Variants in TMEM26 observed in about 807,000 individuals in gnomAD.
TMEM26 encodes transmembrane protein 26.
TMEM26 carries 38 observed loss-of-function variants against 28.8 expected under a neutral mutation model. That is an observed-to-expected ratio of 1.32 (90% CI 1.02 to 1.73). The LOEUF (loss-of-function observed/expected upper bound fraction) is 1.73. TMEM26 is among the 40% of genes most tolerant of loss of function. TMEM26 has a pLI of 0.00. For synonymous variants in TMEM26, 227 were observed against 182.9 expected (o/e 1.24, Z -1.95); for missense variants, 518 against 447.1 (o/e 1.16, Z -1.43).
intron 1 of TMEM26, among the ~76,000 whole-genome samples, chr10:61,445,676 A>AT (rs200305497): frequency 2.0e-5 from 3 of 151,330 alleles, no homozygotes; most frequent in East Asian, 1.9e-4. Flanking sequence ...CCTACATTAA[A>AT]TTTTTTTTTA....
At chr10:61,413,682 C>A in intron 4 of TMEM26, 147 bp from the exon 5 acceptor site, 3 of 1,330,236 alleles carry the variant, frequency 2.3e-6, no homozygotes, top group Middle Eastern at 2.6e-4. Flanking sequence ...GAAAAAAATC[C>A]TTACATGATA....
chr10:61,433,225 G>A (rs1217789614), intron 2 of TMEM26, among the ~76,000 whole-genome samples: 1 of 152,042 alleles, frequency 6.6e-6, no homozygotes, highest in East Asian at 1.9e-4. Context: ...GTTGCTCTCC[G>A]CTCTTGTTAT....
chr10:61,432,118 T>C (rs1458311329), intron 2 of TMEM26, among the ~76,000 whole-genome samples: 1 of 152,130 alleles, frequency 6.6e-6, no homozygotes, highest in African/African-American at 2.4e-5. Context: ...TGTGTATGTG[T>C]GTGTATATAG....
Position 61,444,996 on chromosome 10 carries a change from A to C in TMEM26, c.191+7895T>G, listed in dbSNP as rs1402626377. ...ATGCTAGGAATTGTTTTCATTATCT[A>C]TTATTGTCAGTTGTGACCTTGGATA... is the stretch of plus-strand genomic sequence containing the variant. On this transcript the variant is annotated intron_variant, in intron 1 of 5. Transcript: ENST00000399298. Among the ~76,000 whole-genome samples the C allele has an allele frequency of 2.0e-5, 3 of 152,164 alleles. No homozygotes were observed. The East Asian group carries it at 5.8e-4, about 29-fold the overall frequency.
At chr10:61,445,157 T>C (rs958763442) in intron 1 of TMEM26, among the ~76,000 whole-genome samples, 1 of 152,236 alleles carries the variant, frequency 6.6e-6, no homozygotes, top group Non-Finnish European at 1.5e-5. Context: ...CAGTACTCAA[T>C]AATTGATAAG....
chr10:61,420,406 G>A (rs1355444548), intron 4 of TMEM26, among the ~76,000 whole-genome samples: 1 of 151,940 alleles, frequency 6.6e-6, no homozygotes, highest in African/African-American at 2.4e-5. Flanking sequence ...CACACCCAAT[G>A]TAAGTTTTAT....
intron 5 of TMEM26, among the ~76,000 whole-genome samples, chr10:61,412,411 G>A (rs1839582004): frequency 1.3e-5 from 2 of 152,108 alleles, no homozygotes; most frequent in South Asian, 4.1e-4. Context: ...AGACCTCTGA[G>A]CCTACAAAAG....
intron 4 of TMEM26, among the ~76,000 whole-genome samples, chr10:61,418,309 A>G (rs957287559): frequency 1.8e-4 from 28 of 151,886 alleles, no homozygotes; most frequent in Non-Finnish European, 2.5e-4. Context: ...TTAGGATCCT[A>G]CCCTCTCACA....
At chr10:61,448,523 C>T (rs79247858) in intron 1 of TMEM26, among the ~76,000 whole-genome samples, 17,773 of 152,048 alleles carry the variant, frequency 0.12, 1,223 homozygotes, top group East Asian at 0.21. Context: ...ATAGGAAATG[C>T]TAAATATTCA....
rs1241499263 is a variant in TMEM26, at chr10:61,410,677, C to T, written c.752G>A (p.Ser251Asn). 2 of 1,614,150 alleles carry T rather than the reference C, an allele frequency of 1.2e-6. No individual in the cohort carries two copies. ...GFPSLFFCQY[S>N]ADLWNIGISV... ...GATTCCGATGTTCCACAGATCGGCA[C>T]TGTACTGGCAAAAGAACAGGCTGGG... Residue 251 changes from serine (S) to asparagine (N), a missense_variant, in exon 6 of 6, where the codon AGT (serine) becomes AAT (asparagine). Coordinates refer to ENST00000399298, the MANE Select transcript of TMEM26 (RefSeq NM_178505.8).
In TMEM26 at chr10:61,410,417, A is replaced by G. The variant is rs1216287610; in HGVS notation, c.1012T>C (p.Ser338Pro). 6.2e-7 allele frequency: 1 copy of G among 1,613,942 alleles called. No individual in the cohort carries two copies. Among genetic ancestry groups the G allele is most frequent in the East Asian group, 2.2e-5 (1 of 44,862 alleles). The change falls in exon 6 of 6, where the codon TCT becomes CCT. Residue 338 changes from serine (S) to proline (P), a missense_variant. Transcript: ENST00000399298. ...CRAQTSESGP[S>P]QRDWQNESKE... ...GACTCGTTCTGCCAGTCCCGCTGAGAGGGCCCACTCTCAGAGGTCTGTGCC... is the reference window on the plus strand; with the variant it reads ...GACTCGTTCTGCCAGTCCCGCTGAGGGGGCCCACTCTCAGAGGTCTGTGCC...
At chr10:61,445,817 G>A (rs1441517311) in intron 1 of TMEM26, among the ~76,000 whole-genome samples, 1 of 152,058 alleles carries the variant, frequency 6.6e-6, no homozygotes, top group African/African-American at 2.4e-5. Flanking sequence ...AAACCTTGAT[G>A]TAAATGTGAA....
intron 2 of TMEM26, 57 bp downstream of exon 2, chr10:61,436,113 A>G: frequency 9.1e-7 from 1 of 1,104,738 alleles, no homozygotes. Flanking sequence ...ACTGGATCAT[A>G]CTGTGAAAGT....
At chr10:61,435,156 T>A (rs994143350) in intron 2 of TMEM26, among the ~76,000 whole-genome samples, 1 of 152,088 alleles carries the variant, frequency 6.6e-6, no homozygotes, top group Non-Finnish European at 1.5e-5. Context: ...TATTAAAAAT[T>A]TCTGTAATAA....
intron 1 of TMEM26, among the ~76,000 whole-genome samples, chr10:61,436,592 G>A (rs1040637446): frequency 6.6e-6 from 1 of 152,120 alleles, no homozygotes. Flanking sequence ...TATGTTTTAC[G>A]AAAAGCAAAT....
At position 61,408,765 on chromosome 10, in the gene TMEM26, G is replaced by T. The variant is rs1278329540; in HGVS notation, c.*1557C>A. The T allele has an allele frequency of 6.6e-6, 1 of 152,076 alleles. No individual in the cohort carries two copies. The highest frequency in any genetic ancestry group is 1.5e-5 in the Non-Finnish European group (1 of 68,016). The allele number at this position is 152,076 out of a possible 1,614,324, so 9.4% of individuals were successfully genotyped here. A position where few individuals can be genotyped will look rare whatever the true frequency, so the allele number is the denominator to read the frequency against. On this transcript the variant is annotated 3_prime_UTR_variant, in exon 6 of 6. Transcript: ENST00000399298. ...TGTGTCATTTTATAGTCATTATATT[G>T]TTAAAATTAGAAGCACAAGGAAGAA...
chr10:61,449,402 TTG>T, intron 1 of TMEM26, among the ~76,000 whole-genome samples: 1 of 152,368 alleles, frequency 6.6e-6, no homozygotes, highest in African/African-American at 2.4e-5. Context: ...GTAATGTTGC[TTG>T]TCCCTGGACA....
Position 61,442,063 on chromosome 10 carries a change from G to GTATA in TMEM26, c.192-5819_192-5816dup, listed in dbSNP as rs34021628. On this transcript the variant is annotated intron_variant, in intron 1 of 5. Coordinates refer to ENST00000399298, the MANE Select transcript of TMEM26 (RefSeq NM_178505.8). ...TTTGTTTTATTTGTTTATGAAATATGTATATATATATAGGTCTTGCTACAT... is the reference window on the plus strand; with the variant it reads ...TTTGTTTTATTTGTTTATGAAATATGTATATATATATATATAGGTCTTGCTACAT... Among the ~76,000 whole-genome samples, 1,243 of 151,506 alleles carry GTATA rather than the reference G, an allele frequency of 8.2e-3. 10 individuals carry two copies. Among genetic ancestry groups the GTATA allele is most frequent in the African/African-American group, 0.024 (998 of 41,320 alleles).
intron 2 of TMEM26, among the ~76,000 whole-genome samples, chr10:61,435,392 G>A (rs145219221): frequency 3.3e-5 from 5 of 152,222 alleles, no homozygotes; most frequent in African/African-American, 1.2e-4. Flanking sequence ...CGTTGGCCAG[G>A]ATGGTCCCCA....
Sources: gnomAD v4.1 joint callset for allele counts (sites outside exome capture counted in the v4.1 genomes callset) on GRCh38, gnomAD v4.1.1 for gene constraint, MANE v1.5 for transcripts, NCBI Gene and HGNC (gene_info 2026-07-23, HGNC 2026-07-21) for gene names.